The following PPM1K variants were observed in gnomAD, a reference collection of about 807,000 sequenced individuals.
The protein encoded by PPM1K is protein phosphatase, Mg2+/Mn2+ dependent 1K, also known as protein phosphatase Mn(2+)-dependent 1K.
PPM1K carries 19 observed loss-of-function variants against 32.6 expected under a neutral mutation model. The ratio of observed to expected loss-of-function variants is 0.58; its 90% confidence interval spans 0.41 to 0.86. The LOEUF is 0.86. PPM1K is among the 40% of genes least tolerant of loss of function. The pLI is 0.00. For synonymous variants in PPM1K, 159 were observed against 165.3 expected (o/e 0.96, Z 0.29); for missense variants, 362 against 461.2 (o/e 0.78, Z 1.97).
chr4:88,266,214 G>A (rs558547998), intron 5 of PPM1K, among the ~76,000 whole-genome samples: 1 of 152,362 alleles, frequency 6.6e-6, no homozygotes, highest in East Asian at 1.9e-4. Context: ...TAGTGGCTCA[G>A]GAGTTTTAGA....
chr4:88,277,119 A>C, intron 3 of PPM1K, 24 bp downstream of exon 3: 1 of 1,569,814 alleles, frequency 6.4e-7, no homozygotes. Flanking sequence ...CCTAGGATCC[A>C]AGGAATGTGA....
In PPM1K at chr4:88,259,127, G is replaced by A. The variant is rs1731027451; in HGVS notation, c.*3468C>T. On this transcript the variant is annotated 3_prime_UTR_variant, in exon 7 of 7. Coordinates refer to ENST00000608933, the MANE Select transcript of PPM1K (RefSeq NM_152542.5). ...AAAAAAATACAAAAATTAGCCAGGG[G>A]TGGTGGCACGCGCCTGTAGTCCCAG... 6.7e-6 allele frequency: 1 copy of A among 150,356 alleles called. No homozygotes were observed. Among genetic ancestry groups the A allele is most frequent in the Non-Finnish European group, 1.5e-5 (1 of 67,712 alleles). 9.3% of individuals were successfully genotyped at this position (150,356 alleles called of 1,614,324 possible). A position where few individuals can be genotyped will look rare whatever the true frequency, so the allele number is the denominator to read the frequency against.
At chr4:88,274,146 G>A (rs1003667736) in intron 3 of PPM1K, among the ~76,000 whole-genome samples, 3 of 152,118 alleles carry the variant, frequency 2.0e-5, no homozygotes, top group African/African-American at 7.2e-5. Flanking sequence ...CAAGTATTAC[G>A]CCAGACGAGC....
rs1193196633 is a variant in PPM1K, at chr4:88,260,297, C to T, written c.*2298G>A. On this transcript the variant is annotated 3_prime_UTR_variant, in exon 7 of 7. Transcript: ENST00000608933. Reference sequence around the variant, plus strand: ...CTAACTCTTGACCTCAGGTGATCCACCTGCCTTGGCCTCCCAAAGTGCTAG... The same window carrying T: ...CTAACTCTTGACCTCAGGTGATCCATCTGCCTTGGCCTCCCAAAGTGCTAG... The T allele has an allele frequency of 6.6e-6, 1 of 152,208 alleles. No homozygotes were observed. Among genetic ancestry groups the T allele is most frequent in the Non-Finnish European group, 1.5e-5 (1 of 68,048 alleles). 9.4% of individuals were successfully genotyped at this position (152,208 alleles called of 1,614,324 possible).
intron 4 of PPM1K, among the ~76,000 whole-genome samples, 156 bp downstream of exon 4, chr4:88,268,585 C>T (rs542601462): frequency 5.7e-4 from 87 of 152,264 alleles, no homozygotes; most frequent in African/African-American, 2.0e-3. Flanking sequence ...TGCGCCACTG[C>T]ACTCCAGCCT....
intron 5 of PPM1K, among the ~76,000 whole-genome samples, chr4:88,267,722 C>A (rs1731393081): frequency 6.6e-6 from 1 of 152,200 alleles, no homozygotes; most frequent in South Asian, 2.1e-4. Context: ...GTTTTACTAT[C>A]TCTCCACATT....
chr4:88,278,704 G>T lies in PPM1K; in HGVS notation c.-59-62C>A. On this transcript the variant is annotated intron_variant, in intron 1 of 6. Coordinates refer to ENST00000608933, the MANE Select transcript of PPM1K (RefSeq NM_152542.5). The surrounding 1 kb of genome is among the most constrained non-coding windows in gnomAD (Gnocchi z 4.2). Reference sequence around the variant, plus strand: ...GGAGAGAGGGGCAGAGGAGGAGAGGGAGAGAGACAGAGAGAGAGAGACCAT... The same window carrying T: ...GGAGAGAGGGGCAGAGGAGGAGAGGTAGAGAGACAGAGAGAGAGAGACCAT... The T allele has an allele frequency of 1.4e-6, 1 of 696,626 alleles. No homozygotes were observed. The highest frequency in any genetic ancestry group is 1.8e-5 in the African/African-American group (1 of 55,682). The allele number at this position is 696,626 out of a possible 1,614,324, so 43.2% of individuals were successfully genotyped here. A position where few individuals can be genotyped will look rare whatever the true frequency, so the allele number is the denominator to read the frequency against.
chr4:88,268,094 T>G (rs964064511), intron 5 of PPM1K, 96 bp downstream of exon 5: 2 of 1,320,096 alleles, frequency 1.5e-6, no homozygotes, highest in Non-Finnish European at 1.1e-6. Flanking sequence ...TAAAAATCAT[T>G]TTGGCTTCAG....
In PPM1K at chr4:88,271,079, C is replaced by T. The variant is rs773905059; in HGVS notation, c.542-2173G>A. 16 of 518,684 alleles carry T rather than the reference C, an allele frequency of 3.1e-5. No individual in the cohort carries two copies. In the East Asian group the frequency reaches 4.9e-4, roughly 16 times the overall value. The allele number at this position is 518,684 out of a possible 1,614,324, so 32.1% of individuals were successfully genotyped here. A position where few individuals can be genotyped will look rare whatever the true frequency, so the allele number is the denominator to read the frequency against. On this transcript the variant is annotated intron_variant, in intron 3 of 6. Coordinates refer to ENST00000608933, the MANE Select transcript of PPM1K (RefSeq NM_152542.5). Reference sequence around the variant, plus strand: ...CCTTCCCGTAGTCCAGGATAGGAACCGCTGGACTCCTTCACCTGGGACAAA... The same window carrying T: ...CCTTCCCGTAGTCCAGGATAGGAACTGCTGGACTCCTTCACCTGGGACAAA...
chr4:88,278,427 C>G lies in PPM1K; in HGVS notation c.157G>C (p.Asp53His), dbSNP rs895504591. ...CAGGTAGCTGGACTCCCACTACCAT[C>G]TGGGTCAAACCGAGAACACCTAGGC... Reference protein sequence around the residue: ...SEPRCSRFDPDGSGSPATWDN... With the variant: ...SEPRCSRFDPHGSGSPATWDN... Residue 53 changes from aspartate (D) to histidine (H), a missense_variant, in exon 2 of 7, where the codon GAT becomes CAT. Asp to His is a moderately conservative substitution (Grantham distance 81). Transcript: ENST00000608933. This position sits in a 1 kb window ranked among gnomAD's most constrained non-coding sequence, Gnocchi z 4.2. 2 of 1,614,124 alleles carry G rather than the reference C, an allele frequency of 1.2e-6. No homozygotes were observed. The highest frequency in any genetic ancestry group is 1.7e-6 in the Non-Finnish European group (2 of 1,180,054).
chr4:88,276,583 G>C, intron 3 of PPM1K: 9 of 985,326 alleles, frequency 9.1e-6, no homozygotes, highest in Non-Finnish European at 1.1e-5. Flanking sequence ...AGTTACCAGA[G>C]AAAAGCTGCA....
intron 1 of PPM1K, among the ~76,000 whole-genome samples, chr4:88,282,779 T>C (rs1732067196): frequency 6.6e-6 from 1 of 152,236 alleles, no homozygotes; most frequent in Non-Finnish European, 1.5e-5. Context: ...CAGTATTCTA[T>C]TCCCATAGAT....
In PPM1K at chr4:88,265,006, C is replaced by T. The variant is rs147106062; in HGVS notation, c.982G>A (p.Glu328Lys). The change falls in exon 6 of 7, where the codon GAA becomes AAA. Residue 328 changes from glutamate (E) to lysine (K), a missense_variant. Glu to Lys is a moderately conservative substitution (Grantham distance 56). Coordinates refer to ENST00000608933, the MANE Select transcript of PPM1K (RefSeq NM_152542.5). ...DPNEAAHAVTEQAIQYGTEDN... is the reference protein window; with the variant it reads ...DPNEAAHAVTKQAIQYGTEDN... ...AGGCAGAAGCTCTGGGTCACCTGTT[C>T]AGTCACCGCATGGGCTGCTTCGTTG... The T allele has an allele frequency of 6.2e-7, 1 of 1,614,006 alleles. No homozygotes were observed. The highest frequency in any genetic ancestry group is 1.1e-5 in the South Asian group (1 of 91,032).
intron 3 of PPM1K, chr4:88,275,849 G>A: frequency 1.0e-6 from 1 of 985,382 alleles, no homozygotes; most frequent in Non-Finnish European, 1.2e-6. Context: ...TAAGTCTTAT[G>A]CATAAAGTTT....
In PPM1K at chr4:88,277,168, C is replaced by T. The variant is rs1230975459; in HGVS notation, c.516G>A (p.Ser172=). ...LAFLEIDKAF[S]SHARLSADAT... is the part of the protein sequence containing the mutation. ...CATCAGCAGACAGGCGGGCATGACTCGAAAAGGCTTTATCTATTTCTAGAA... is the reference window on the plus strand; with the variant it reads ...CATCAGCAGACAGGCGGGCATGACTTGAAAAGGCTTTATCTATTTCTAGAA... The change falls in exon 3 of 7, where the codon TCG becomes TCA. Residue 172 remains serine, a synonymous_variant. Coordinates refer to ENST00000608933, the MANE Select transcript of PPM1K (RefSeq NM_152542.5). 17 of 1,613,704 alleles carry T rather than the reference C, an allele frequency of 1.1e-5. 1 individual carries two copies. Among genetic ancestry groups the T allele is most frequent in the Middle Eastern group, 1.6e-4 (1 of 6,080 alleles).
intron 1 of PPM1K, 37 bp downstream of exon 1, chr4:88,284,369 A>G (rs1014956514): frequency 6.6e-6 from 1 of 152,320 alleles, no homozygotes; most frequent in African/African-American, 2.4e-5. Context: ...ATACATGGTT[A>G]GCAGAAATAA....
Position 88,262,467 on chromosome 4 carries a change from A to T in PPM1K, c.*128T>A. On this transcript the variant is annotated 3_prime_UTR_variant, in exon 7 of 7. Coordinates refer to ENST00000608933, the MANE Select transcript of PPM1K (RefSeq NM_152542.5). ...TATGATGAGCATTTATGAAAAAACT[A>T]CTATCTAAGTGGTTTACACTGACTT... 2 of 935,542 alleles carry T rather than the reference A, an allele frequency of 2.1e-6. No homozygotes were observed. Among genetic ancestry groups the T allele is most frequent in the Non-Finnish European group, 3.2e-6 (2 of 634,398 alleles). The allele number at this position is 935,542 out of a possible 1,614,324, so 58.0% of individuals were successfully genotyped here. A position where few individuals can be genotyped will look rare whatever the true frequency, so the allele number is the denominator to read the frequency against.
intron 6 of PPM1K, among the ~76,000 whole-genome samples, chr4:88,263,089 G>C (rs188464516): frequency 5.3e-5 from 8 of 152,314 alleles, no homozygotes; most frequent in Admixed American, 4.6e-4. Flanking sequence ...GTGAGGACTT[G>C]ATAATTGTTA....
intron 5 of PPM1K, 97 bp from the exon 6 acceptor site, chr4:88,265,232 T>C: frequency 7.1e-7 from 1 of 1,400,736 alleles, no homozygotes; most frequent in Non-Finnish European, 9.9e-7. Context: ...TAAGCGGTCA[T>C]CTGTGTAACA....
Sources: gnomAD v4.1 joint callset for allele counts (sites outside exome capture counted in the v4.1 genomes callset) on GRCh38, gnomAD v4.1.1 for gene constraint, Gnocchi (gnomAD v3.1) non-coding constraint, MANE v1.5 for transcripts, NCBI Gene and HGNC (gene_info 2026-07-23, HGNC 2026-07-21) for gene names.